FCHSD2: variants seen among roughly 807,000 people sequenced by gnomAD.
The protein encoded by FCHSD2 is F-BAR and double SH3 domains protein 2.
In FCHSD2, 38 loss-of-function variants were observed where a neutral mutation model predicts 108.1. That is an observed-to-expected ratio of 0.35 (90% CI 0.27 to 0.46). FCHSD2 has a LOEUF of 0.46. Ranked by LOEUF, FCHSD2 falls within the 20% of genes least tolerant of loss-of-function variation. The pLI is 1.00. For synonymous variants in FCHSD2, 279 were observed against 314.7 expected, an observed-to-expected ratio of 0.89 and a Z score of 1.20; for missense variants, 751 against 897.8, an observed-to-expected ratio of 0.84 and a Z score of 2.09.
At chr11:72,936,054 C>T (rs978201951) in intron 8 of FCHSD2, among the ~76,000 whole-genome samples, 1 of 152,222 alleles carries the variant, frequency 6.6e-6, no homozygotes, top group African/African-American at 2.4e-5. Context: ...ACCCTATATA[C>T]TTTCATTCAA....
intron 2 of FCHSD2, among the ~76,000 whole-genome samples, chr11:73,117,608 T>C (rs928216726): frequency 6.6e-6 from 1 of 152,216 alleles, no homozygotes; most frequent in African/African-American, 2.4e-5. Context: ...ACTCAGTTAG[T>C]AGTGGTTTTG....
Position 72,993,417 on chromosome 11 carries a change from C to T in FCHSD2, c.388-4320G>A, listed in dbSNP as rs548767845. 7.5e-4 allele frequency among the ~76,000 whole-genome samples: 114 copies of T among 152,128 alleles called. 1 individual carries two copies. Among genetic ancestry groups the T allele is most frequent in the Non-Finnish European group, 7.4e-5 (5 of 68,002 alleles). On this transcript the variant is annotated intron_variant, in intron 5 of 19. Transcript: ENST00000409418. Reference sequence around the variant, plus strand: ...AGCCATCCCATTACTGGGTATATACCCAAAGGATTATAAATCATGCTGCTA... The same window carrying T: ...AGCCATCCCATTACTGGGTATATACTCAAAGGATTATAAATCATGCTGCTA...
At chr11:73,015,506 C>A (rs1488342814) in intron 4 of FCHSD2, among the ~76,000 whole-genome samples, 1 of 152,026 alleles carries the variant, frequency 6.6e-6, no homozygotes, top group South Asian at 2.1e-4. Context: ...GGTCACTCAG[C>A]AATTTGTGTT....
chr11:73,008,717 C>G (rs1020572927), intron 4 of FCHSD2, among the ~76,000 whole-genome samples: 18 of 152,006 alleles, frequency 1.2e-4, no homozygotes, highest in African/African-American at 4.1e-4. Context: ...GATTTTCAAG[C>G]AGGGGAGTGA....
At chr11:73,011,831 A>AT (rs2135429018) in intron 4 of FCHSD2, among the ~76,000 whole-genome samples, 1 of 152,176 alleles carries the variant, frequency 6.6e-6, no homozygotes, top group Non-Finnish European at 1.5e-5. Context: ...AACTTTAGGT[A>AT]TTTCCTGTCA....
In FCHSD2 at chr11:73,081,260, C is replaced by T. The variant is rs555186143; in HGVS notation, c.165+2435G>A. On this transcript the variant is annotated intron_variant, in intron 3 of 19. Coordinates refer to ENST00000409418, the MANE Select transcript of FCHSD2 (RefSeq NM_014824.3). ...ATCATCTTGCCCACTATGGTGAAAC[C>T]CCAACTCTACTAAAAATACAAAAAT... Among the ~76,000 whole-genome samples the T allele has an allele frequency of 5.9e-5, 9 of 151,982 alleles. No homozygotes were observed. The East Asian group carries it at 9.8e-4, about 16-fold the overall frequency.
chr11:73,131,703 CAA>C (rs1173232302), intron 2 of FCHSD2, among the ~76,000 whole-genome samples: 69 of 107,648 alleles, frequency 6.4e-4, no homozygotes, highest in African/African-American at 1.9e-3. Flanking sequence ...GACTATGTCT[CAA>C]AAAAAAAAAA....
chr11:73,024,296 T>G (rs1858177951), intron 3 of FCHSD2, among the ~76,000 whole-genome samples: 1 of 152,190 alleles, frequency 6.6e-6, no homozygotes, highest in Non-Finnish European at 1.5e-5. Flanking sequence ...TTTATAATTC[T>G]GTAAAATAAT....
In FCHSD2 at chr11:73,091,419, G is replaced by A. The variant is rs140971021; in HGVS notation, c.120-7679C>T. On this transcript the variant is annotated intron_variant, in intron 2 of 19. Coordinates refer to ENST00000409418, the MANE Select transcript of FCHSD2 (RefSeq NM_014824.3). ...AAAAAATTAGCCAGGTGTGGTGGTG[G>A]GTGCCTGTAATCCCAGCTACATGGG... Among the ~76,000 whole-genome samples, 1,204 of 151,912 alleles carry A rather than the reference G, an allele frequency of 7.9e-3. 20 individuals are homozygous for A. Among genetic ancestry groups the A allele is most frequent in the African/African-American group, 0.027 (1,128 of 41,422 alleles).
rs771186144 is a variant in FCHSD2, at chr11:72,867,980, A to G, written c.1193T>C (p.Ile398Thr). The stretch of plus-strand genomic sequence containing the variant: ...TAGCCATGTGTCCACAGAAACACCA[A>G]TCTGCTTTAGCAGGTCCAACCGGGC... ...AEARLDLLKQ[I>T]GVSVDTWLKS... Residue 398 changes from isoleucine (I) to threonine (T), a missense_variant, in exon 13 of 20, where the codon ATT becomes ACT. By Grantham distance (89) the Ile-to-Thr change is moderately conservative. Transcript: ENST00000409418. 2 of 1,582,794 alleles carry G rather than the reference A, an allele frequency of 1.3e-6. No individual in the cohort carries two copies. Among genetic ancestry groups the G allele is most frequent in the African/African-American group, 2.7e-5 (2 of 74,674 alleles).
At chr11:72,987,519 CA>C (rs1352016737) in intron 6 of FCHSD2, among the ~76,000 whole-genome samples, 2 of 152,152 alleles carry the variant, frequency 1.3e-5, no homozygotes, top group African/African-American at 4.8e-5. Flanking sequence ...AAGTATTCAA[CA>C]AACTGCGAAT....
chr11:72,841,179 C>CA (rs2135150219), intron 18 of FCHSD2, among the ~76,000 whole-genome samples: 1 of 151,516 alleles, frequency 6.6e-6, no homozygotes, highest in Admixed American at 6.6e-5. Context: ...AGAAAAAATA[C>CA]AAAAATTAGC....
At chr11:72,977,524 C>T (rs1857125746) in intron 8 of FCHSD2, among the ~76,000 whole-genome samples, 2 of 152,132 alleles carry the variant, frequency 1.3e-5, no homozygotes, top group Non-Finnish European at 2.9e-5. Flanking sequence ...TTAAAATGAG[C>T]AAAAGCATCA....
In FCHSD2 at chr11:73,111,460, A is replaced by G. The variant is rs879523928; in HGVS notation, c.120-27720T>C. 8.2e-5 allele frequency among the ~76,000 whole-genome samples: 10 copies of G among 121,656 alleles called. 2 individuals are homozygous for G. The highest frequency in any genetic ancestry group is 3.5e-4 in the African/African-American group (10 of 28,840). The allele number at this position is 121,656 out of a possible 152,430, so 79.8% of individuals were successfully genotyped here. ...CCATTAGCATGGAATATCTTTCTCC[A>G]TCCTTTTTTTTTTTTTCAGTCTATG... On this transcript the variant is annotated intron_variant, in intron 2 of 19. Transcript: ENST00000409418.
intron 14 of FCHSD2, among the ~76,000 whole-genome samples, chr11:72,847,511 A>C (rs942867609): frequency 4.6e-5 from 7 of 152,194 alleles, no homozygotes; most frequent in African/African-American, 1.4e-4. Context: ...GCGGGGAGTC[A>C]AAGAAATATG....
rs1860780523 is a variant in FCHSD2, at chr11:72,837,847, T to C, written c.*944A>G. The C allele has an allele frequency of 6.6e-6, 1 of 152,212 alleles. No individual in the cohort carries two copies. The highest frequency in any genetic ancestry group is 2.4e-5 in the African/African-American group (1 of 41,452). The allele number at this position is 152,212 out of a possible 1,614,324, so 9.4% of individuals were successfully genotyped here. On this transcript the variant is annotated 3_prime_UTR_variant, in exon 20 of 20. Transcript: ENST00000409418. ...AGCCTGGCTGTCTGGGCCGGTCTGC[T>C]GGCTTGGGAATAAAATAATGCCGGG...
At chr11:73,097,363 T>G (rs953305504) in intron 2 of FCHSD2, among the ~76,000 whole-genome samples, 5 of 151,352 alleles carry the variant, frequency 3.3e-5, no homozygotes, top group African/African-American at 7.3e-5. Flanking sequence ...GGTTTGTTTG[T>G]TTGGTTTATT....
At chr11:72,952,056 G>A (rs1856630130) in intron 8 of FCHSD2, among the ~76,000 whole-genome samples, 1 of 152,072 alleles carries the variant, frequency 6.6e-6, no homozygotes, top group Admixed American at 6.5e-5. Context: ...GAAGCTTCAT[G>A]GTAGGTCTGC....
At chr11:72,930,423 AT>A (rs1856165656) in intron 8 of FCHSD2, among the ~76,000 whole-genome samples, 1 of 152,200 alleles carries the variant, frequency 6.6e-6, no homozygotes, top group Admixed American at 6.5e-5. Context: ...AACATTTTTA[AT>A]TTAGAGATTC....
Sources: allele counts gnomAD v4.1 joint callset (sites outside exome capture counted in the v4.1 genomes callset), GRCh38; gene constraint gnomAD v4.1.1; transcripts MANE v1.5; gene names NCBI Gene and HGNC (gene_info 2026-07-23, HGNC 2026-07-21).